The following CDH12 variants were observed in gnomAD, a reference collection of about 807,000 sequenced individuals.
CDH12 encodes cadherin 12, also known as cadherin-12.
Under a neutral mutation model 74.1 loss-of-function variants are expected in CDH12, and 41 were observed. That is an observed-to-expected ratio of 0.55 (90% confidence interval 0.43 to 0.72). CDH12 has a LOEUF of 0.72. CDH12 is among the 30% of genes least tolerant of loss of function. The pLI, the probability that CDH12 is intolerant of heterozygous loss-of-function variation, is 0.00. For missense variants in CDH12, 945 were observed against 977.2 expected, an observed-to-expected ratio of 0.97 and a Z score of 0.44; for synonymous variants, 399 against 355.0, an observed-to-expected ratio of 1.12 and a Z score of -1.39.
intron 3 of CDH12, among the ~76,000 whole-genome samples, chr5:22,337,227 A>G (rs1739627975): frequency 1.3e-5 from 2 of 152,150 alleles, no homozygotes; most frequent in African/African-American, 4.8e-5. Context: ...TTTTGATTTT[A>G]CAGGCTCATA....
intron 2 of CDH12, among the ~76,000 whole-genome samples, chr5:22,423,938 G>A (rs1227551432): frequency 2.1e-5 from 3 of 141,240 alleles, no homozygotes; most frequent in African/African-American, 8.0e-5. Flanking sequence ...GGGAGGCGGA[G>A]CTTGCAGTGA....
intron 1 of CDH12, among the ~76,000 whole-genome samples, chr5:22,739,104 A>G (rs1560995425): frequency 6.6e-6 from 1 of 152,018 alleles, no homozygotes; most frequent in Non-Finnish European, 1.5e-5. Context: ...CTCAAATGTC[A>G]CTAAAGAAAG....
intron 2 of CDH12, among the ~76,000 whole-genome samples, chr5:22,421,869 T>A (rs1394297397): frequency 6.6e-6 from 1 of 152,208 alleles, no homozygotes; most frequent in Non-Finnish European, 1.5e-5. Flanking sequence ...GACTTTTTAA[T>A]GATCACCATT....
intron 1 of CDH12, among the ~76,000 whole-genome samples, chr5:22,521,209 G>T (rs1157373178): frequency 6.6e-6 from 1 of 151,276 alleles, no homozygotes; most frequent in Non-Finnish European, 1.5e-5. Flanking sequence ...AATTGGATGG[G>T]GTAAGCATAA....
intron 10 of CDH12, among the ~76,000 whole-genome samples, chr5:21,791,085 G>A (rs1746471650): frequency 6.6e-6 from 1 of 151,966 alleles, no homozygotes; most frequent in Non-Finnish European, 1.5e-5. Context: ...CATTTGAACA[G>A]TTCCTACTCA....
chr5:22,745,275 GAT>G lies in CDH12; in HGVS notation c.-523+107781_-523+107782del, dbSNP rs1491218955. Among the ~76,000 whole-genome samples the G allele has an allele frequency of 1.8e-4, 27 of 148,908 alleles. No homozygotes were observed. The East Asian group carries it at 4.5e-3, about 25-fold the overall frequency. ...AACTAACAAATAAGCATTCCATTGA[GAT>G]TTTTTTTTAATTAAATTGCATTAAA... On this transcript the variant is annotated intron_variant, in intron 1 of 14. Coordinates refer to ENST00000382254, the MANE Select transcript of CDH12 (RefSeq NM_004061.5).
At chr5:22,091,964 G>A (rs1743461409) in intron 4 of CDH12, among the ~76,000 whole-genome samples, 1 of 150,752 alleles carries the variant, frequency 6.6e-6, no homozygotes, top group Non-Finnish European at 1.5e-5. Context: ...TTTTTTATGT[G>A]GATATCCAAT....
At chr5:22,453,112 G>A (rs1044846439) in intron 2 of CDH12, among the ~76,000 whole-genome samples, 2 of 151,906 alleles carry the variant, frequency 1.3e-5, no homozygotes, top group African/African-American at 4.8e-5. Context: ...GTGAAAGGGG[G>A]AAACTTTCAT....
chr5:22,040,591 CA>C (rs1433333843), intron 5 of CDH12, among the ~76,000 whole-genome samples: 3 of 152,134 alleles, frequency 2.0e-5, no homozygotes, highest in African/African-American at 7.2e-5. Context: ...AAGGAATTAA[CA>C]TTAGACTATT....
chr5:22,639,124 C>T (rs1216012711), intron 1 of CDH12: 2 of 144,600 alleles, frequency 1.4e-5, no homozygotes, highest in African/African-American at 5.1e-5. Flanking sequence ...GGCTAAATTG[C>T]CAGTGAACTG....
chr5:22,638,302 T>C (rs1738945389), intron 1 of CDH12, among the ~76,000 whole-genome samples: 1 of 152,170 alleles, frequency 6.6e-6, no homozygotes, highest in Non-Finnish European at 1.5e-5. Flanking sequence ...GTAGGGAAGC[T>C]GACAGTGCAC....
At chr5:21,943,334 A>G in intron 6 of CDH12, among the ~76,000 whole-genome samples, 1 of 152,334 alleles carries the variant, frequency 6.6e-6, no homozygotes, top group Admixed American at 6.5e-5. Flanking sequence ...TAAAATTTTT[A>G]CTTACATTTA....
intron 4 of CDH12, among the ~76,000 whole-genome samples, chr5:22,205,510 T>C (rs979818020): frequency 6.6e-6 from 1 of 152,188 alleles, no homozygotes; most frequent in Non-Finnish European, 1.5e-5. Context: ...CCAAAATTTA[T>C]ATCTATATTA....
At chr5:22,032,609 G>A (rs1158628817) in intron 5 of CDH12, among the ~76,000 whole-genome samples, 1 of 151,448 alleles carries the variant, frequency 6.6e-6, no homozygotes, top group Non-Finnish European at 1.5e-5. Context: ...TACTTGGGAA[G>A]CTGAGGCAGA....
intron 13 of CDH12, among the ~76,000 whole-genome samples, chr5:21,756,045 A>T (rs17839331): frequency 6.6e-6 from 1 of 152,270 alleles, no homozygotes; most frequent in African/African-American, 2.4e-5. Flanking sequence ...ATCTTGTCTG[A>T]TAGAAGAATT....
intron 1 of CDH12, among the ~76,000 whole-genome samples, chr5:22,714,793 C>G (rs1743484386): frequency 6.6e-6 from 1 of 152,114 alleles, no homozygotes; most frequent in African/African-American, 2.4e-5. Flanking sequence ...GAAAAATGTG[C>G]AAAGCAGAAT....
At chr5:22,652,858 C>T (rs1166786401) in intron 1 of CDH12, among the ~76,000 whole-genome samples, 1 of 152,042 alleles carries the variant, frequency 6.6e-6, no homozygotes, top group Non-Finnish European at 1.5e-5. Context: ...ATTTGAATCT[C>T]CATAGAAGCC....
At chr5:22,580,557 C>A in intron 1 of CDH12, 5 of 473,422 alleles carry the variant, frequency 1.1e-5, no homozygotes, top group Non-Finnish European at 1.7e-5. Flanking sequence ...CTCATCAGGG[C>A]TGTATGTGTC....
At chr5:22,327,426 CTCTGTG>C (rs1358874770) in intron 3 of CDH12, among the ~76,000 whole-genome samples, 9,196 of 128,170 alleles carry the variant, frequency 0.072, 303 homozygotes, top group Non-Finnish European at 0.08. Flanking sequence ...AAATTTGTGC[CTCTGTG>C]TGTGTGTGTG....
Sources: allele counts gnomAD v4.1 joint callset (sites outside exome capture counted in the v4.1 genomes callset), GRCh38; gene constraint gnomAD v4.1.1; transcripts MANE v1.5; gene names NCBI Gene and HGNC (gene_info 2026-07-23, HGNC 2026-07-21).